The following EP300 variants were observed in gnomAD, a reference collection of about 807,000 sequenced individuals.
EP300 encodes EP300 lysine acetyltransferase.
A neutral mutation model predicts 264.0 loss-of-function variants in EP300; 31 were observed. That is an observed-to-expected ratio of 0.12 (90% CI 0.09 to 0.16). EP300 has a LOEUF of 0.16. EP300 is among the 10% of genes least tolerant of loss of function. EP300 has a pLI of 1.00. For synonymous variants in EP300, 1,340 were observed against 1,045.4 expected, an observed-to-expected ratio of 1.28 and a Z score of -5.44; for missense variants, 2,766 against 3,052.9, an observed-to-expected ratio of 0.91 and a Z score of 2.21.
intron 1 of EP300, among the ~76,000 whole-genome samples, chr22:41,113,770 T>C (rs996819900): frequency 2.0e-5 from 3 of 152,128 alleles, no homozygotes; most frequent in African/African-American, 4.8e-5. Context: ...ATGGTCTCGA[T>C]CTCCTGACCT....
At chr22:41,174,074 C>T (rs2059186413) in intron 29 of EP300, among the ~76,000 whole-genome samples, 1 of 152,056 alleles carries the variant, frequency 6.6e-6, no homozygotes, top group Admixed American at 6.6e-5. Flanking sequence ...CACTCCATTG[C>T]ACTCCAGCCT....
chr22:41,153,879 C>T (rs1354790268), intron 16 of EP300, among the ~76,000 whole-genome samples: 2 of 152,082 alleles, frequency 1.3e-5, no homozygotes, highest in African/African-American at 4.8e-5. Context: ...TGGCAACCCC[C>T]CAGAGGTGAA....
intron 19 of EP300, chr22:41,158,812 A>G (rs1015870487): frequency 2.9e-6 from 1 of 346,070 alleles, no homozygotes; most frequent in Non-Finnish European, 5.5e-6. Flanking sequence ...GTTGATCACC[A>G]CAGCCTGAGG....
rs2145744567 is a variant in EP300, at chr22:41,155,008, A to T, written c.3156A>T (p.Glu1052Asp). The T allele has an allele frequency of 6.2e-7, 1 of 1,612,788 alleles. No individual in the cohort carries two copies. The highest frequency in any genetic ancestry group is 1.1e-5 in the South Asian group (1 of 91,038). Residue 1052 changes from glutamate to aspartate, a missense_variant, in exon 17 of 31, where the codon GAA becomes GAT. Transcript: ENST00000263253. ...GQSKKKIFKP[E>D]ELRQALMPTL... ...TTTTTTTTTAAGTTTTCAAACCAGA[A>T]GAACTACGACAGGCACTGATGCCAA...
intron 1 of EP300, among the ~76,000 whole-genome samples, chr22:41,095,316 C>A (rs1182988410): frequency 6.9e-6 from 1 of 145,068 alleles, no homozygotes; most frequent in Non-Finnish European, 1.5e-5. Context: ...CTCACTACAA[C>A]CTCTGCCTCC....
intron 1 of EP300, among the ~76,000 whole-genome samples, chr22:41,093,674 TTTC>T (rs1445143668): frequency 2.6e-5 from 4 of 152,236 alleles, no homozygotes; most frequent in Non-Finnish European, 2.9e-5. Context: ...TTTTTTCCTT[TTTC>T]TTCTTATTTG....
chr22:41,122,394 G>A (rs1405238785), intron 2 of EP300, among the ~76,000 whole-genome samples: 4 of 151,936 alleles, frequency 2.6e-5, no homozygotes, highest in Non-Finnish European at 4.4e-5. Flanking sequence ...TCAAACTCCT[G>A]ACCTCAGGTG....
intron 6 of EP300, among the ~76,000 whole-genome samples, chr22:41,133,324 A>AT (rs1007845736): frequency 4.7e-5 from 7 of 148,556 alleles, no homozygotes; most frequent in Admixed American, 6.7e-5. Flanking sequence ...CACCCAGCTA[A>AT]TTTTTTTTTT....
intron 28 of EP300, among the ~76,000 whole-genome samples, chr22:41,173,348 C>T (rs1233458603): frequency 1.3e-5 from 2 of 152,210 alleles, no homozygotes; most frequent in African/African-American, 4.8e-5. Context: ...TAGCCCCAAT[C>T]TGGGATACAT....
chr22:41,165,697 A>C (rs2059130291), intron 22 of EP300, among the ~76,000 whole-genome samples: 1 of 152,188 alleles, frequency 6.6e-6, no homozygotes, highest in Admixed American at 6.5e-5. Flanking sequence ...TGCTGGGATT[A>C]CAGCATGAGC....
Position 41,171,796 on chromosome 22 carries a change from A to G in EP300, c.4453-703A>G, listed in dbSNP as rs181023237. Among the ~76,000 whole-genome samples the G allele has an allele frequency of 3.7e-3, 559 of 151,960 alleles. 3 individuals are homozygous for G. The highest frequency in any genetic ancestry group is 0.031 in the Middle Eastern group (9 of 294). ...CAGGCTAATTTTTTCTATTTTTAGT[A>G]GAGACGGGGTTTCTCCACATTGGTC... On this transcript the variant is annotated intron_variant, in intron 27 of 30. Coordinates refer to ENST00000263253, the MANE Select transcript of EP300 (RefSeq NM_001429.4).
At chr22:41,119,787 T>C (rs1178073658) in intron 2 of EP300, among the ~76,000 whole-genome samples, 1 of 152,156 alleles carries the variant, frequency 6.6e-6, no homozygotes, top group African/African-American at 2.4e-5. Flanking sequence ...ATTCAAATTT[T>C]AAACTTCTGT....
chr22:41,139,682 T>C (rs1201311178), intron 8 of EP300, among the ~76,000 whole-genome samples: 3 of 152,232 alleles, frequency 2.0e-5, no homozygotes, highest in African/African-American at 7.2e-5. Context: ...GTCTGTCCAC[T>C]TCAGGTTTTT....
At chr22:41,130,631 C>T (rs924369301) in intron 5 of EP300, among the ~76,000 whole-genome samples, 1 of 152,040 alleles carries the variant, frequency 6.6e-6, no homozygotes, top group Admixed American at 6.6e-5. Flanking sequence ...ATACAAACAG[C>T]AATAGGTAAA....
At chr22:41,093,235 G>A in intron 1 of EP300, 137 bp downstream of exon 1, 9 of 897,574 alleles carry the variant, frequency 1.0e-5, no homozygotes, top group Middle Eastern at 3.3e-4. Flanking sequence ...ATTTGAATGA[G>A]CTGGTCGAAG....
rs749702423 is a variant in EP300 at position 41,149,786 on chromosome 22, C to A, written c.2405C>A (p.Pro802Gln). 1 of 1,614,030 alleles carries A rather than the reference C, an allele frequency of 6.2e-7. No homozygotes were observed. Among genetic ancestry groups the A allele is most frequent in the Non-Finnish European group, 8.5e-7 (1 of 1,179,994 alleles). The stretch of plus-strand genomic sequence containing the variant: ...GCACAAATGTCTAGTTCTTCCTGCC[C>A]GGTGAACTCTCCTATAATGCCTCCA... ...SQAQMSSSSC[P>Q]VNSPIMPPGS... The change falls in exon 14 of 31, where the codon CCG (proline) becomes CAG (glutamine). Residue 802 changes from proline (P) to glutamine (Q), a missense_variant. Transcript: ENST00000263253.
intron 28 of EP300, 100 bp from the exon 29 acceptor site, chr22:41,173,523 G>A (rs1271682829): frequency 8.1e-7 from 1 of 1,239,038 alleles, no homozygotes; most frequent in African/African-American, 1.5e-5. Flanking sequence ...ACAGGCATAA[G>A]ATTATGATAT....
At chr22:41,124,654 G>A (rs1050006888) in intron 2 of EP300, among the ~76,000 whole-genome samples, 19 of 152,070 alleles carry the variant, frequency 1.2e-4, no homozygotes, top group Non-Finnish European at 2.5e-4. Flanking sequence ...TCAAAAAAAA[G>A]AAGAAGAAGA....
intron 1 of EP300, among the ~76,000 whole-genome samples, chr22:41,100,959 CGTAA>C (rs1201027031): frequency 1.3e-5 from 2 of 151,452 alleles, no homozygotes; most frequent in African/African-American, 2.4e-5. Flanking sequence ...GTCTTGTATA[CGTAA>C]GTAATAGAAA....
Sources: allele counts gnomAD v4.1 joint callset (sites outside exome capture counted in the v4.1 genomes callset), GRCh38; gene constraint gnomAD v4.1.1; transcripts MANE v1.5; gene names NCBI Gene and HGNC (gene_info 2026-07-23, HGNC 2026-07-21).